The following CSMD1 variants were observed in gnomAD, a reference collection of about 807,000 sequenced individuals.
CSMD1 encodes CUB and Sushi multiple domains 1.
A neutral mutation model predicts 417.5 loss-of-function variants in CSMD1; 213 were observed. That is an observed-to-expected ratio of 0.51 (90% confidence interval 0.46 to 0.57). The LOEUF (loss-of-function observed/expected upper bound fraction) is 0.57. Among genes scored for constraint, CSMD1 ranks in the 20% least tolerant of loss-of-function variants. The pLI, the probability that CSMD1 is intolerant of heterozygous loss-of-function variation, is 0.00. For missense variants in CSMD1, 6,923 were observed against 4,529.7 expected (o/e 1.53, Z -15.17); for synonymous variants, 2,862 against 1,736.8 (o/e 1.65, Z -16.11).
intron 1 of CSMD1, among the ~76,000 whole-genome samples, chr8:4,958,400 A>G (rs986810501): frequency 6.6e-6 from 1 of 152,174 alleles, no homozygotes; most frequent in South Asian, 2.1e-4. Context: ...AGCAATTGAC[A>G]TTTCTTCAAA....
chr8:3,723,280 C>G (rs1318494360), intron 6 of CSMD1, among the ~76,000 whole-genome samples: 1 of 152,146 alleles, frequency 6.6e-6, no homozygotes, highest in Non-Finnish European at 1.5e-5. Context: ...GAATCCTCCT[C>G]ACACTCAAAA....
intron 5 of CSMD1, among the ~76,000 whole-genome samples, chr8:3,857,659 A>G (rs186891579): frequency 1.6e-3 from 250 of 152,300 alleles, no homozygotes; most frequent in African/African-American, 5.8e-3. Context: ...GGTCCGAATG[A>G]GTGGAATTTT....
intron 3 of CSMD1, among the ~76,000 whole-genome samples, chr8:4,159,717 C>A (rs1056932745): frequency 6.6e-6 from 1 of 152,090 alleles, no homozygotes; most frequent in African/African-American, 2.4e-5. Flanking sequence ...GCCTCCCGAG[C>A]AGCTGGGACT....
At chr8:4,704,751 T>C (rs1807810602) in intron 1 of CSMD1, among the ~76,000 whole-genome samples, 1 of 152,172 alleles carries the variant, frequency 6.6e-6, no homozygotes, top group African/African-American at 2.4e-5. Context: ...TCTGGATATG[T>C]GTGAGTTGTC....
intron 1 of CSMD1, among the ~76,000 whole-genome samples, chr8:4,981,996 A>C (rs1375280223): frequency 6.6e-6 from 1 of 152,158 alleles, no homozygotes; most frequent in East Asian, 1.9e-4. Context: ...TCTGGCCAAA[A>C]GCCAGCAAAA....
chr8:2,964,084 A>G (rs1400241391), intron 59 of CSMD1, among the ~76,000 whole-genome samples: 1 of 152,140 alleles, frequency 6.6e-6, no homozygotes, highest in Non-Finnish European at 1.5e-5. Context: ...AAATCCAAAA[A>G]CCACTGTCTA....
At chr8:4,188,437 T>C (rs1441187552) in intron 3 of CSMD1, among the ~76,000 whole-genome samples, 1 of 152,186 alleles carries the variant, frequency 6.6e-6, no homozygotes, top group Non-Finnish European at 1.5e-5. Flanking sequence ...ATACAAGTCC[T>C]GAAATCCAGC....
At chr8:4,860,312 G>C (rs1354840434) in intron 1 of CSMD1, among the ~76,000 whole-genome samples, 2 of 151,152 alleles carry the variant, frequency 1.3e-5, no homozygotes, top group Non-Finnish European at 2.9e-5. Context: ...CCTAATGCTA[G>C]ATGACATGTT....
chr8:4,181,077 C>A (rs557498710), intron 3 of CSMD1, among the ~76,000 whole-genome samples: 3 of 152,222 alleles, frequency 2.0e-5, no homozygotes, highest in South Asian at 2.1e-4. Context: ...AATAGGACAA[C>A]AGACCTATTG....
chr8:3,489,569 A>C (rs1027757413), intron 11 of CSMD1, among the ~76,000 whole-genome samples: 1 of 152,198 alleles, frequency 6.6e-6, no homozygotes, highest in Non-Finnish European at 1.5e-5. Flanking sequence ...ATTTGCAAAG[A>C]AAGTTACTTA....
At chr8:4,961,099 T>A (rs925560786) in intron 1 of CSMD1, among the ~76,000 whole-genome samples, 1 of 152,152 alleles carries the variant, frequency 6.6e-6, no homozygotes, top group Admixed American at 6.6e-5. Flanking sequence ...GTTTACCTCA[T>A]TAGGACTATA....
intron 4 of CSMD1, among the ~76,000 whole-genome samples, chr8:3,999,417 C>G (rs893144347): frequency 6.6e-6 from 1 of 152,164 alleles, no homozygotes; most frequent in Non-Finnish European, 1.5e-5. Context: ...TCCCAAGTTG[C>G]AAGTTCCAAT....
rs554197739 is a variant in CSMD1, at chr8:3,331,101, G to A, written c.3631+12193C>T. Among the ~76,000 whole-genome samples the A allele has an allele frequency of 5.9e-5, 9 of 152,196 alleles. No homozygotes were observed. The South Asian group carries it at 1.5e-3, about 25-fold the overall frequency. ...AAAATACAAAAAATTAGCCTGGCGT[G>A]GTGGCGGGTGCCTGTAGTCCCAGCT... On this transcript the variant is annotated intron_variant, in intron 23 of 69. Coordinates refer to ENST00000635120, the MANE Select transcript of CSMD1 (RefSeq NM_033225.6).
chr8:4,760,977 T>C (rs1287594304), intron 1 of CSMD1, among the ~76,000 whole-genome samples: 2 of 152,304 alleles, frequency 1.3e-5, no homozygotes, highest in East Asian at 3.9e-4. Flanking sequence ...CATTATTAGC[T>C]TCCACACTCA....
At position 3,704,102 on chromosome 8, in the gene CSMD1, T is replaced by G. The variant is rs535111621; in HGVS notation, c.1009+4312A>C. Among the ~76,000 whole-genome samples, 29 of 152,122 alleles carry G rather than the reference T, an allele frequency of 1.9e-4. No individual in the cohort carries two copies. In the East Asian group the frequency reaches 5.2e-3, roughly 27 times the overall value. On this transcript the variant is annotated intron_variant, in intron 7 of 69. Coordinates refer to ENST00000635120, the MANE Select transcript of CSMD1 (RefSeq NM_033225.6). ...CAAAAACAAAAAAACTTAGCTCTCT[T>G]AAGTCTTATAATTAGAGCAGTCCTC...
At chr8:4,813,860 G>C (rs1296717241) in intron 1 of CSMD1, among the ~76,000 whole-genome samples, 3 of 152,114 alleles carry the variant, frequency 2.0e-5, no homozygotes, top group Admixed American at 2.0e-4. Context: ...GCATTCTCAG[G>C]TTTTGTGTGT....
intron 50 of CSMD1, among the ~76,000 whole-genome samples, chr8:3,051,454 G>A (rs1811810383): frequency 6.6e-6 from 1 of 152,134 alleles, no homozygotes; most frequent in African/African-American, 2.4e-5. Flanking sequence ...AGGGTGGAGG[G>A]TGGGAGGAAG....
chr8:4,620,178 G>C (rs1266132303), intron 2 of CSMD1, among the ~76,000 whole-genome samples: 2 of 151,516 alleles, frequency 1.3e-5, no homozygotes, highest in African/African-American at 4.8e-5. Flanking sequence ...CATTGTGTTT[G>C]GTGTTCAGAA....
chr8:4,740,562 T>A (rs1810538007), intron 1 of CSMD1, among the ~76,000 whole-genome samples: 1 of 152,206 alleles, frequency 6.6e-6, no homozygotes, highest in Non-Finnish European at 1.5e-5. Flanking sequence ...GTATTTTAAA[T>A]CATTTTTTAT....
Sources: allele counts gnomAD v4.1 joint callset (sites outside exome capture counted in the v4.1 genomes callset), GRCh38; gene constraint gnomAD v4.1.1; transcripts MANE v1.5; gene names NCBI Gene and HGNC (gene_info 2026-07-23, HGNC 2026-07-21).